Variants in ZZZ3 observed in about 807,000 individuals in gnomAD.
ZZZ3 encodes the protein ZZ-type zinc finger-containing protein 3.
ZZZ3 carries 22 observed loss-of-function variants against 95.2 expected under a neutral mutation model. The ratio of observed to expected loss-of-function variants is 0.23; its 90% CI spans 0.17 to 0.33. The LOEUF (loss-of-function observed/expected upper bound fraction) is 0.33, where lower values mean the gene tolerates loss of function less well. Ranked by LOEUF, ZZZ3 falls within the 10% of genes least tolerant of loss-of-function variation. The pLI is 1.00. For missense variants in ZZZ3, 885 were observed against 1,066.5 expected (o/e 0.83, Z 2.37); for synonymous variants, 335 against 358.9 (o/e 0.93, Z 0.75).
intron 5 of ZZZ3, among the ~76,000 whole-genome samples, chr1:77,585,569 T>C (rs1557700271): frequency 1.3e-5 from 2 of 152,234 alleles, no homozygotes. Context: ...ATCCTTAAAG[T>C]ATAAGCAAAG....
chr1:77,602,761 A>T lies in ZZZ3; in HGVS notation c.1506-18106T>A, dbSNP rs185020306. Among the ~76,000 whole-genome samples the T allele has an allele frequency of 4.0e-3, 602 of 151,936 alleles. 2 individuals are homozygous for T. Among genetic ancestry groups the T allele is most frequent in the Middle Eastern group, 0.014 (4 of 292 alleles). On this transcript the variant is annotated intron_variant, in intron 5 of 14. Transcript: ENST00000370801. The stretch of plus-strand genomic sequence containing the variant: ...GCTGGGATTACAGATGTGCATCACC[A>T]TATCTGGCTAATTTTTGTATTTTTA...
At chr1:77,661,258 C>A (rs1388448480) in intron 1 of ZZZ3, among the ~76,000 whole-genome samples, 1 of 151,886 alleles carries the variant, frequency 6.6e-6, no homozygotes, top group Non-Finnish European at 1.5e-5. Context: ...ACTAAAAAAA[C>A]AAAAATTAGC....
At chr1:77,583,853 A>C (rs1326025659) in intron 6 of ZZZ3, among the ~76,000 whole-genome samples, 1 of 152,228 alleles carries the variant, frequency 6.6e-6, no homozygotes, top group Admixed American at 6.5e-5. Flanking sequence ...ACAAATGCAC[A>C]TCAAGATCAT....
At chr1:77,594,210 T>G (rs544486837) in intron 5 of ZZZ3, among the ~76,000 whole-genome samples, 191 of 152,272 alleles carry the variant, frequency 1.3e-3, no homozygotes, top group Non-Finnish European at 1.8e-3. Flanking sequence ...TCTCCTACTT[T>G]ATAGTGTCTA....
At chr1:77,588,691 C>G (rs905029209) in intron 5 of ZZZ3, among the ~76,000 whole-genome samples, 1 of 151,784 alleles carries the variant, frequency 6.6e-6, no homozygotes, top group Non-Finnish European at 1.5e-5. Context: ...CTCACTGAAC[C>G]AAGCAAGAGA....
chr1:77,580,551 G>T (rs1468327972), intron 9 of ZZZ3: 1 of 152,338 alleles, frequency 6.6e-6, no homozygotes, highest in Non-Finnish European at 1.5e-5. Flanking sequence ...ATGCAAAAAG[G>T]TATACAAAAA....
rs1667845078 is a variant in ZZZ3, at chr1:77,631,897, A to G, written c.1458T>C (p.Asp486=). The G allele has an allele frequency of 6.2e-6, 10 of 1,612,412 alleles. No homozygotes were observed. Among genetic ancestry groups the G allele is most frequent in the Non-Finnish European group, 7.6e-6 (9 of 1,179,158 alleles). The stretch of plus-strand genomic sequence containing the variant: ...CATGATCTGATTCAAAGTAATAAAC[A>G]TCAGGATCATCATCTTCCTCTTCTG... The part of the protein sequence containing the change: ...HITEEEDDDP[D]VYYFESDHVA... The change falls in exon 5 of 15, where the codon GAT becomes GAC. Residue 486 remains aspartate, a synonymous_variant. Transcript: ENST00000370801.
At chr1:77,661,268 C>G (rs937053478) in intron 1 of ZZZ3, among the ~76,000 whole-genome samples, 1 of 152,016 alleles carries the variant, frequency 6.6e-6, no homozygotes, top group Non-Finnish European at 1.5e-5. Flanking sequence ...CAAAAATTAG[C>G]CAGGCAGAGT....
At chr1:77,596,734 T>C (rs1205683761) in intron 5 of ZZZ3, among the ~76,000 whole-genome samples, 1 of 152,126 alleles carries the variant, frequency 6.6e-6, no homozygotes, top group Non-Finnish European at 1.5e-5. Context: ...ACAATTCTGA[T>C]ACTGATGTCC....
chr1:77,620,689 A>AGT, intron 5 of ZZZ3, among the ~76,000 whole-genome samples: 1 of 152,230 alleles, frequency 6.6e-6, no homozygotes, highest in Admixed American at 6.5e-5. Flanking sequence ...AGAAGCAGTA[A>AGT]GTTCAGTTTC....
intron 5 of ZZZ3, among the ~76,000 whole-genome samples, chr1:77,618,245 T>C (rs12121564): frequency 0.067 from 9,245 of 138,658 alleles, 454 homozygotes; most frequent in Middle Eastern, 0.12. Context: ...TTTTTTTTTT[T>C]TTTTTTTTTT....
intron 1 of ZZZ3, among the ~76,000 whole-genome samples, chr1:77,658,672 T>A (rs1256973833): frequency 1.3e-5 from 2 of 152,194 alleles, no homozygotes; most frequent in East Asian, 3.8e-4. Flanking sequence ...CCTAAAATTG[T>A]TAATGGCCAT....
At chr1:77,610,026 TGA>T (rs771256073) in intron 5 of ZZZ3, among the ~76,000 whole-genome samples, 7 of 149,122 alleles carry the variant, frequency 4.7e-5, no homozygotes, top group Admixed American at 1.3e-4. Flanking sequence ...CAGAAGTAAA[TGA>T]AATTGAAACA....
At chr1:77,669,458 T>G (rs1350755563) in intron 1 of ZZZ3, among the ~76,000 whole-genome samples, 2 of 148,530 alleles carry the variant, frequency 1.3e-5, no homozygotes, top group Admixed American at 6.8e-5. Context: ...TTCTCAGTTT[T>G]TTTTTTTTTT....
At chr1:77,637,371 A>G (rs1272562374) in intron 4 of ZZZ3, among the ~76,000 whole-genome samples, 1 of 152,218 alleles carries the variant, frequency 6.6e-6, no homozygotes, top group Non-Finnish European at 1.5e-5. Flanking sequence ...GAGTTAAACA[A>G]AATTTTGCTA....
intron 1 of ZZZ3, among the ~76,000 whole-genome samples, chr1:77,668,831 G>A (rs548781788): frequency 1.3e-5 from 2 of 152,164 alleles, no homozygotes; most frequent in South Asian, 4.1e-4. Flanking sequence ...GTTCTTCCTT[G>A]TTGGTAAGAA....
chr1:77,613,021 T>G (rs1366770022), intron 5 of ZZZ3, among the ~76,000 whole-genome samples: 1 of 152,092 alleles, frequency 6.6e-6, no homozygotes, highest in Non-Finnish European at 1.5e-5. Context: ...ACTACCTATA[T>G]GTATCCTATA....
At chr1:77,609,500 A>G (rs1212405025) in intron 5 of ZZZ3, among the ~76,000 whole-genome samples, 1 of 148,450 alleles carries the variant, frequency 6.7e-6, no homozygotes, top group Admixed American at 6.6e-5. Flanking sequence ...AAAATAAACA[A>G]AGAAACAGCA....
chr1:77,617,816 GCACCTGTA>G (rs1666462127), intron 5 of ZZZ3, among the ~76,000 whole-genome samples: 1 of 151,010 alleles, frequency 6.6e-6, no homozygotes, highest in Non-Finnish European at 1.5e-5. Flanking sequence ...GTGGTGACAA[GCACCTGTA>G]GTCTCAGCTA....
Sources: allele counts gnomAD v4.1 joint callset (sites outside exome capture counted in the v4.1 genomes callset), GRCh38; gene constraint gnomAD v4.1.1; transcripts MANE v1.5; gene names NCBI Gene and HGNC (gene_info 2026-07-23, HGNC 2026-07-21).